Variants in ATRNL1 observed in about 807,000 individuals in gnomAD.
ATRNL1 encodes the protein attractin-like protein 1.
In ATRNL1, 95 loss-of-function variants were observed where a neutral mutation model predicts 182.7. The observed-to-expected ratio is 0.52, with a 90% CI of 0.44 to 0.62. The LOEUF is 0.62. Ranked by LOEUF, ATRNL1 falls within the 20% of genes least tolerant of loss-of-function variation. The probability of loss-of-function intolerance (pLI) is 0.00; values close to 1 mark genes in which losing one functional copy is unlikely to be tolerated. For synonymous variants in ATRNL1, 576 were observed against 568.3 expected (o/e 1.01, Z -0.19); for missense variants, 1,471 against 1,679.5 (o/e 0.88, Z 2.17).
intron 21 of ATRNL1, among the ~76,000 whole-genome samples, chr10:115,456,071 G>A (rs970597043): frequency 6.6e-6 from 1 of 152,180 alleles, no homozygotes; most frequent in Non-Finnish European, 1.5e-5. Context: ...GTGAAAGACA[G>A]TGTGGCAATT....
chr10:115,144,041 G>A (rs1372682048), intron 5 of ATRNL1, among the ~76,000 whole-genome samples: 1 of 150,822 alleles, frequency 6.6e-6, no homozygotes, highest in Non-Finnish European at 1.5e-5. Context: ...AGTGCAGTGG[G>A]CTATCTTGGC....
chr10:115,683,593 A>C (rs927925426), intron 26 of ATRNL1, among the ~76,000 whole-genome samples: 2 of 116,076 alleles, frequency 1.7e-5, no homozygotes, highest in Non-Finnish European at 3.5e-5. Context: ...ACACCTTTTG[A>C]TATTAACCTC....
At position 115,238,626 on chromosome 10, in the gene ATRNL1, GGTT is replaced by G. The variant is rs540163057; in HGVS notation, c.1533-2925_1533-2923del. Among the ~76,000 whole-genome samples, 827 of 151,786 alleles carry G rather than the reference GGTT, an allele frequency of 5.4e-3. 6 individuals are homozygous for G. The highest frequency in any genetic ancestry group is 8.3e-3 in the Non-Finnish European group (564 of 67,832). ...CTTATTAGTTCTAGAGGGTTTTTTTGGTTGTTGTTGTTGTTGTTGTTGATTCTT... is the reference window on the plus strand; with the variant it reads ...CTTATTAGTTCTAGAGGGTTTTTTTGGTTGTTGTTGTTGTTGTTGATTCTT... On this transcript the variant is annotated intron_variant, in intron 9 of 28. Coordinates refer to ENST00000355044, the MANE Select transcript of ATRNL1 (RefSeq NM_207303.4).
intron 27 of ATRNL1, among the ~76,000 whole-genome samples, chr10:115,772,593 CTGTCTGTG>C (rs1405078723): frequency 1.4e-4 from 18 of 125,668 alleles, no homozygotes; most frequent in Non-Finnish European, 2.2e-4. Context: ...AATATATACT[CTGTCTGTG>C]TGTGTGTGTG....
intron 26 of ATRNL1, among the ~76,000 whole-genome samples, chr10:115,572,746 A>G (rs914199658): frequency 1.3e-5 from 2 of 152,208 alleles, no homozygotes; most frequent in South Asian, 4.1e-4. Flanking sequence ...CATAAAATTT[A>G]TATTCAAGAT....
At chr10:115,326,971 C>A (rs566393900) in intron 18 of ATRNL1, among the ~76,000 whole-genome samples, 5 of 152,068 alleles carry the variant, frequency 3.3e-5, no homozygotes, top group Non-Finnish European at 5.9e-5. Context: ...GGCCTAAAAT[C>A]ATAAAAACCC....
chr10:115,919,140 A>G (rs1555118082), intron 28 of ATRNL1, among the ~76,000 whole-genome samples: 1 of 152,204 alleles, frequency 6.6e-6, no homozygotes, highest in Non-Finnish European at 1.5e-5. Context: ...TTTGTGCATC[A>G]GATCTTCAAA....
chr10:115,436,305 A>G (rs1240137029), intron 21 of ATRNL1, among the ~76,000 whole-genome samples: 4 of 152,160 alleles, frequency 2.6e-5, no homozygotes, highest in African/African-American at 9.6e-5. Flanking sequence ...AGGTCATGGC[A>G]TATTATTAAA....
At chr10:115,911,309 T>TTTTATTTA (rs374633841) in intron 28 of ATRNL1, among the ~76,000 whole-genome samples, 13 of 151,686 alleles carry the variant, frequency 8.6e-5, no homozygotes, top group African/African-American at 3.1e-4. Context: ...CTAAAACCTA[T>TTTTATTTA]TTTATTTATT....
At chr10:115,165,449 T>A in intron 6 of ATRNL1, 109 bp from the exon 7 acceptor site, 1 of 504,678 alleles carries the variant, frequency 2.0e-6, no homozygotes, top group Non-Finnish European at 3.4e-6. Context: ...GTTGTAACTC[T>A]TTTTGAATTT....
At chr10:115,432,967 T>C (rs1201754931) in intron 21 of ATRNL1, among the ~76,000 whole-genome samples, 1 of 152,078 alleles carries the variant, frequency 6.6e-6, no homozygotes, top group Non-Finnish European at 1.5e-5. Context: ...TCTGCAGTCA[T>C]TTACTTTATT....
At chr10:115,771,997 A>G (rs1565365259) in intron 27 of ATRNL1, among the ~76,000 whole-genome samples, 1 of 152,188 alleles carries the variant, frequency 6.6e-6, no homozygotes, top group Non-Finnish European at 1.5e-5. Flanking sequence ...GCTAGTGTTG[A>G]CTGAACATAT....
chr10:115,390,560 G>A (rs1234253451), intron 19 of ATRNL1, among the ~76,000 whole-genome samples: 1 of 151,970 alleles, frequency 6.6e-6, no homozygotes, highest in Non-Finnish European at 1.5e-5. Context: ...CTTTATGTTG[G>A]CACTATGCTG....
In ATRNL1 at chr10:115,105,975, G is replaced by A. The variant is rs148778101; in HGVS notation, c.293+11932G>A. 9.2e-3 allele frequency among the ~76,000 whole-genome samples: 1,404 copies of A among 152,246 alleles called. 13 individuals are homozygous for A. The highest frequency in any genetic ancestry group is 0.016 in the Admixed American group (239 of 15,298). On this transcript the variant is annotated intron_variant, in intron 1 of 28. Coordinates refer to ENST00000355044, the MANE Select transcript of ATRNL1 (RefSeq NM_207303.4). Reference sequence around the variant, plus strand: ...TGCCTAGTGGAGCTGTGAGAAGAGGGCCACTGTCCTGCAGACCCCAGAACA... The same window carrying A: ...TGCCTAGTGGAGCTGTGAGAAGAGGACCACTGTCCTGCAGACCCCAGAACA...
intron 24 of ATRNL1, among the ~76,000 whole-genome samples, chr10:115,500,743 G>A (rs1165970030): frequency 6.6e-6 from 1 of 151,812 alleles, no homozygotes; most frequent in Non-Finnish European, 1.5e-5. Context: ...GTTTCTCCAT[G>A]TTGGTCAGGC....
At chr10:115,403,039 A>G (rs1476668605) in intron 20 of ATRNL1, among the ~76,000 whole-genome samples, 2 of 152,086 alleles carry the variant, frequency 1.3e-5, no homozygotes, top group Non-Finnish European at 2.9e-5. Flanking sequence ...AGTAATATCT[A>G]AGATTATTAC....
chr10:115,228,068 A>G lies in ATRNL1; in HGVS notation c.1532+12188A>G, dbSNP rs553399963. Among the ~76,000 whole-genome samples the G allele has an allele frequency of 8.0e-4, 122 of 152,178 alleles. 1 individual carries two copies. Among genetic ancestry groups the G allele is most frequent in the Non-Finnish European group, 1.5e-3 (104 of 67,990 alleles). Reference sequence around the variant, plus strand: ...TATATTATACTTCATAAAAATTTATAAAAAAATAGAAATCTGAGTTCAATT... The same window carrying G: ...TATATTATACTTCATAAAAATTTATGAAAAAATAGAAATCTGAGTTCAATT... On this transcript the variant is annotated intron_variant, in intron 9 of 28. Coordinates refer to ENST00000355044, the MANE Select transcript of ATRNL1 (RefSeq NM_207303.4).
chr10:115,257,955 T>C (rs918634500), intron 10 of ATRNL1, among the ~76,000 whole-genome samples: 1 of 152,336 alleles, frequency 6.6e-6, no homozygotes, highest in East Asian at 1.9e-4. Context: ...TTCTGGCTTG[T>C]AGGGTTTCTG....
At chr10:115,687,444 T>C (rs1039074545) in intron 26 of ATRNL1, among the ~76,000 whole-genome samples, 1 of 152,118 alleles carries the variant, frequency 6.6e-6, no homozygotes, top group African/African-American at 2.4e-5. Context: ...AATCGCAAGA[T>C]TGCCCTCTTT....
Sources: gnomAD v4.1 joint callset for allele counts (sites outside exome capture counted in the v4.1 genomes callset) on GRCh38, gnomAD v4.1.1 for gene constraint, MANE v1.5 for transcripts, NCBI Gene and HGNC (gene_info 2026-07-23, HGNC 2026-07-21) for gene names.